Variants in TAF6L observed in about 807,000 individuals in gnomAD.
TAF6L encodes the protein TAF6-like RNA polymerase II p300/CBP-associated factor-associated factor 65 kDa subunit 6L.
Under a neutral mutation model 57.3 loss-of-function variants are expected in TAF6L, and 34 were observed. The ratio of observed to expected loss-of-function variants is 0.59; its 90% confidence interval spans 0.45 to 0.79. The LOEUF is 0.79. Among genes scored for constraint, TAF6L ranks in the 30% least tolerant of loss-of-function variants. TAF6L has a pLI of 0.00. For synonymous variants in TAF6L, 417 were observed against 376.3 expected (o/e 1.11, Z -1.25); for missense variants, 782 against 853.2 (o/e 0.92, Z 1.04).
Position 62,786,508 on chromosome 11 carries a change from C to A in TAF6L, c.1090-9C>A. The A allele has an allele frequency of 6.4e-7, 1 of 1,562,212 alleles. No individual in the cohort carries two copies. The highest frequency in any genetic ancestry group is 8.7e-7 in the Non-Finnish European group (1 of 1,149,882). ...ATTTTTTGCCTATCTTAGTCCTTGGCTCTTACAGGTGGCGGTAGAGCGACT... is the reference window on the plus strand; with the variant it reads ...ATTTTTTGCCTATCTTAGTCCTTGGATCTTACAGGTGGCGGTAGAGCGACT... On this transcript the variant is annotated splice_polypyrimidine_tract_variant and intron_variant, in intron 10 of 10. Coordinates refer to ENST00000294168, the MANE Select transcript of TAF6L (RefSeq NM_006473.4).
At chr11:62,780,660 T>G (rs1301741218) in intron 6 of TAF6L, among the ~76,000 whole-genome samples, 1 of 152,048 alleles carries the variant, frequency 6.6e-6, no homozygotes, top group Non-Finnish European at 1.5e-5. Flanking sequence ...CTGGGTGCGG[T>G]GGTTCACGCC....
chr11:62,777,235 G>A (rs962364727), intron 3 of TAF6L, among the ~76,000 whole-genome samples: 2 of 152,114 alleles, frequency 1.3e-5, no homozygotes, highest in African/African-American at 4.8e-5. Flanking sequence ...GCTGAGGCAG[G>A]AGAATCGCTT....
Position 62,779,980 on chromosome 11 carries a change from T to A in TAF6L, c.531+1017T>A, listed in dbSNP as rs1248134459. 2.0e-3 allele frequency among the ~76,000 whole-genome samples: 247 copies of A among 123,758 alleles called. 2 individuals are homozygous for A. Among genetic ancestry groups the A allele is most frequent in the South Asian group, 0.012 (41 of 3,486 alleles). 81.2% of individuals were successfully genotyped at this position (123,758 alleles called of 152,430 possible). On this transcript the variant is annotated intron_variant, in intron 6 of 10. Coordinates refer to ENST00000294168, the MANE Select transcript of TAF6L (RefSeq NM_006473.4). ...TATATATATATATATATATATATTT[T>A]TTTTTTTTTTTTTTTTAGAGACAGG...
At position 62,787,095 on chromosome 11, in the gene TAF6L, C is replaced by T. The variant is rs762834331; in HGVS notation, c.1668C>T (p.Gly556=). ...VFQKSRFAPR[G]APHFRFIIAG... ...AGAAGAGCCGTTTCGCCCCGCGCGG[C>T]GCCCCGCACTTTCGTTTCATCATAG... The change falls in exon 11 of 11, where the codon GGC becomes GGT. Residue 556 remains glycine, a synonymous_variant. Transcript: ENST00000294168. 1 of 1,541,032 alleles carries T rather than the reference C, an allele frequency of 6.5e-7. No homozygotes were observed. Among genetic ancestry groups the T allele is most frequent in the South Asian group, 1.2e-5 (1 of 84,858 alleles).
intron 8 of TAF6L, 177 bp from the exon 9 acceptor site, chr11:62,782,516 C>G (rs1469219426): frequency 9.4e-7 from 1 of 1,062,406 alleles, no homozygotes; most frequent in Admixed American, 2.6e-5. Context: ...ACAAATACGC[C>G]AAGGTATTGG....
At position 62,786,634 on chromosome 11, in the gene TAF6L, C is replaced by G. The variant is rs201212023; in HGVS notation, c.1207C>G (p.Gln403Glu). 4 of 1,602,366 alleles carry G rather than the reference C, an allele frequency of 2.5e-6. No homozygotes were observed. In the African/African-American group the frequency reaches 4.0e-5, roughly 16 times the overall value. Residue 403 changes from glutamine (Q) to glutamate (E), a missense_variant, in exon 11 of 11, where the codon CAA becomes GAA. Physicochemically the swap from Gln to Glu is conservative, Grantham distance 29. Coordinates refer to ENST00000294168, the MANE Select transcript of TAF6L (RefSeq NM_006473.4). ...DDLPWDSLLF[Q>E]ESSSGGGAEP... ...CCTGCCATGGGACAGCCTTCTCTTT[C>G]AAGAGTCGTCCTCCGGGGGCGGTGC...
At chr11:62,784,195 G>T (rs2134721958) in intron 9 of TAF6L, among the ~76,000 whole-genome samples, 1 of 148,688 alleles carries the variant, frequency 6.7e-6, no homozygotes, top group South Asian at 2.1e-4. Context: ...TCACAATGTT[G>T]GCCAGGATGG....
intron 6 of TAF6L, among the ~76,000 whole-genome samples, chr11:62,779,952 C>G (rs1320923478): frequency 2.0e-5 from 2 of 100,064 alleles, no homozygotes; most frequent in African/African-American, 8.9e-5. Flanking sequence ...AGGCGTGAGC[C>G]TATATATATA....
rs748865135 is a variant in TAF6L, at chr11:62,786,764, C to A, written c.1337C>A (p.Ala446Asp). The A allele has an allele frequency of 6.2e-7, 1 of 1,612,884 alleles. No individual in the cohort carries two copies. Among genetic ancestry groups the A allele is most frequent in the East Asian group, 2.2e-5 (1 of 44,868 alleles). Residue 446 changes from alanine (A) to aspartate (D), a missense_variant, in exon 11 of 11, where the codon GCC (alanine) becomes GAC (aspartate). Physicochemically the swap from Ala to Asp is moderately radical, Grantham distance 126. Coordinates refer to ENST00000294168, the MANE Select transcript of TAF6L (RefSeq NM_006473.4). Reference protein sequence around the residue: ...TLADIYRELYAFFGDSLATRF... With the variant: ...TLADIYRELYDFFGDSLATRF... ...GCCGACATCTACCGGGAGCTCTACG[C>A]CTTCTTCGGTGACAGCTTGGCCACA...
At chr11:62,779,350 A>G (rs2084210225) in intron 6 of TAF6L, among the ~76,000 whole-genome samples, 1 of 152,030 alleles carries the variant, frequency 6.6e-6, no homozygotes, top group Non-Finnish European at 1.5e-5. Flanking sequence ...GCCCGCCAAC[A>G]TACCCGGCTA....
At position 62,786,247 on chromosome 11, in the gene TAF6L, C is replaced by G. The variant is rs573248484; in HGVS notation, c.961-13C>G. On this transcript the variant is annotated splice_polypyrimidine_tract_variant and intron_variant, in intron 9 of 10. Coordinates refer to ENST00000294168, the MANE Select transcript of TAF6L (RefSeq NM_006473.4). Reference sequence around the variant, plus strand: ...CAAAGACATGCTAACTGTATTCCTTCTCTTCCTTCCAGGCAGTAGAACGAG... The same window carrying G: ...CAAAGACATGCTAACTGTATTCCTTGTCTTCCTTCCAGGCAGTAGAACGAG... 6.6e-5 allele frequency: 106 copies of G among 1,607,622 alleles called. No homozygotes were observed. The East Asian group carries it at 2.3e-3, about 35-fold the overall frequency.
intron 1 of TAF6L, chr11:62,772,171 T>C: frequency 2.2e-6 from 1 of 456,184 alleles, no homozygotes; most frequent in South Asian, 1.5e-5. Context: ...ATCTTATTAT[T>C]GAGAATATAG....
Position 62,780,094 on chromosome 11 carries a change from G to A in TAF6L, c.531+1131G>A, listed in dbSNP as rs372311090. Reference sequence around the variant, plus strand: ...AGCACTTTGGGAGGCAGAGGTGGGCGGATCACTTGAAGTCAGGAGTTCGAG... The same window carrying A: ...AGCACTTTGGGAGGCAGAGGTGGGCAGATCACTTGAAGTCAGGAGTTCGAG... On this transcript the variant is annotated intron_variant, in intron 6 of 10. Coordinates refer to ENST00000294168, the MANE Select transcript of TAF6L (RefSeq NM_006473.4). 1.4e-4 allele frequency among the ~76,000 whole-genome samples: 21 copies of A among 150,130 alleles called. No individual in the cohort carries two copies. The East Asian group carries it at 3.0e-3, about 21-fold the overall frequency.
intron 9 of TAF6L, 143 bp downstream of exon 9, chr11:62,782,968 T>C: frequency 2.4e-6 from 3 of 1,249,258 alleles, no homozygotes; most frequent in Non-Finnish European, 3.3e-6. Context: ...GGCTCAGTGA[T>C]ACTTGACTTT....
chr11:62,776,587 A>G, intron 3 of TAF6L, 117 bp downstream of exon 3: 1 of 1,002,802 alleles, frequency 1.0e-6, no homozygotes, highest in South Asian at 1.4e-5. Flanking sequence ...ATGGTGGCTC[A>G]TGCCTGTAAT....
chr11:62,774,598 C>A, intron 1 of TAF6L: 1 of 454,940 alleles, frequency 2.2e-6, no homozygotes, highest in Middle Eastern at 5.0e-4. Context: ...AGCCTACCTT[C>A]TGGTGCTGTG....
intron 9 of TAF6L, among the ~76,000 whole-genome samples, chr11:62,784,369 A>C (rs1590937964): frequency 7.0e-6 from 1 of 141,928 alleles, no homozygotes; most frequent in Non-Finnish European, 1.5e-5. Flanking sequence ...CAGTGGCGCC[A>C]TCTTGGCTAA....
In TAF6L at chr11:62,779,813, A is replaced by C. The variant is rs1590935005; in HGVS notation, c.531+850A>C. ...CCCAAGTAGCTGGGATTACAGGGGC[A>C]TACCACCATGCCTGGCTAATTTTTG... is the stretch of plus-strand genomic sequence containing the variant. On this transcript the variant is annotated intron_variant, in intron 6 of 10. Transcript: ENST00000294168. Among the ~76,000 whole-genome samples, 5 of 148,368 alleles carry C rather than the reference A, an allele frequency of 3.4e-5. No homozygotes were observed. The East Asian group carries it at 1.0e-3, about 31-fold the overall frequency.
At chr11:62,780,513 A>G (rs2084220764) in intron 6 of TAF6L, among the ~76,000 whole-genome samples, 2 of 151,838 alleles carry the variant, frequency 1.3e-5, no homozygotes, top group Admixed American at 1.3e-4. Flanking sequence ...CTTCATCTCA[A>G]AAAAAAAGAT....
Sources: gnomAD v4.1 joint callset for allele counts (sites outside exome capture counted in the v4.1 genomes callset) on GRCh38, gnomAD v4.1.1 for gene constraint, MANE v1.5 for transcripts, NCBI Gene and HGNC (gene_info 2026-07-23, HGNC 2026-07-21) for gene names.